Variants in CCSER1 observed in about 807,000 individuals in gnomAD.
CCSER1 encodes the protein serine-rich coiled-coil domain-containing protein 1.
In CCSER1, 41 loss-of-function variants were observed where a neutral mutation model predicts 82.0. That is an observed-to-expected ratio of 0.50 (90% confidence interval 0.39 to 0.65). The LOEUF is 0.65. CCSER1 is among the 30% of genes least tolerant of loss of function. The pLI, the probability that CCSER1 is intolerant of heterozygous loss-of-function variation, is 0.00. For missense variants in CCSER1, 1,119 were observed against 1,064.2 expected (o/e 1.05, Z -0.72); for synonymous variants, 414 against 383.9 (o/e 1.08, Z -0.92).
At chr4:90,661,823 A>T (rs1730842374) in intron 6 of CCSER1, among the ~76,000 whole-genome samples, 1 of 152,248 alleles carries the variant, frequency 6.6e-6, no homozygotes, top group East Asian at 1.9e-4. Context: ...AAATAATGGA[A>T]CACAATTCCA....
Position 90,309,296 on chromosome 4 carries a change from C to G in CCSER1, c.1012C>G (p.Pro338Ala), listed in dbSNP as rs1440334569. ...GQCSTESNSLPETSAANQKEV... is the reference protein window; with the variant it reads ...GQCSTESNSLAETSAANQKEV... Reference sequence around the variant, plus strand: ...ATGTAGCACTGAATCTAATTCATTACCGGAAACCTCTGCTGCTAATCAGAA... The same window carrying G: ...ATGTAGCACTGAATCTAATTCATTAGCGGAAACCTCTGCTGCTAATCAGAA... Residue 338 changes from proline (P) to alanine (A), a missense_variant, in exon 2 of 11, where the codon CCG becomes GCG. Transcript: ENST00000509176. 6.2e-7 allele frequency: 1 copy of G among 1,613,776 alleles called. No individual in the cohort carries two copies. The highest frequency in any genetic ancestry group is 1.1e-5 in the South Asian group (1 of 91,074).
intron 8 of CCSER1, among the ~76,000 whole-genome samples, chr4:90,845,222 C>T (rs748982054): frequency 8.6e-5 from 13 of 151,748 alleles, no homozygotes; most frequent in African/African-American, 2.7e-4. Context: ...ATTAGCCTGG[C>T]GTGGTGACAC....
chr4:90,727,453 A>G (rs545757556), intron 7 of CCSER1, among the ~76,000 whole-genome samples: 1 of 152,184 alleles, frequency 6.6e-6, no homozygotes, highest in African/African-American at 2.4e-5. Flanking sequence ...TGATGTTGTT[A>G]ATTTTAATGT....
At chr4:90,140,727 C>T (rs574092106) in intron 1 of CCSER1, among the ~76,000 whole-genome samples, 18 of 123,630 alleles carry the variant, frequency 1.5e-4, no homozygotes, top group African/African-American at 5.3e-4. Flanking sequence ...TGCTGTGGTG[C>T]GATCTTGGCT....
chr4:90,769,180 G>A (rs1751708072), intron 7 of CCSER1, among the ~76,000 whole-genome samples: 1 of 152,116 alleles, frequency 6.6e-6, no homozygotes, highest in African/African-American at 2.4e-5. Context: ...ATAGAAGTAG[G>A]AGCTCAAGAT....
At chr4:90,471,339 G>A (rs377605397) in intron 5 of CCSER1, among the ~76,000 whole-genome samples, 35 of 152,002 alleles carry the variant, frequency 2.3e-4, no homozygotes, top group East Asian at 1.6e-3. Context: ...CAAGGCTGAG[G>A]GGAAAGGATC....
At chr4:91,256,402 T>C (rs1268158021) in intron 10 of CCSER1, among the ~76,000 whole-genome samples, 1 of 152,152 alleles carries the variant, frequency 6.6e-6, no homozygotes, top group African/African-American at 2.4e-5. Flanking sequence ...GTCCTACCCA[T>C]TTGCCTTGTG....
At chr4:90,980,538 A>G (rs1736018559) in intron 9 of CCSER1, among the ~76,000 whole-genome samples, 1 of 151,810 alleles carries the variant, frequency 6.6e-6, no homozygotes. Flanking sequence ...TAAACTCTAG[A>G]AGGTAAAGAG....
At chr4:90,534,747 G>A (rs1027004647) in intron 5 of CCSER1, among the ~76,000 whole-genome samples, 3 of 152,140 alleles carry the variant, frequency 2.0e-5, no homozygotes, top group Non-Finnish European at 4.4e-5. Flanking sequence ...TACCAGTTGA[G>A]CATTGTATTG....
chr4:91,534,980 T>C (rs1005185924), intron 10 of CCSER1, among the ~76,000 whole-genome samples: 1 of 151,886 alleles, frequency 6.6e-6, no homozygotes, highest in South Asian at 2.1e-4. Flanking sequence ...TAGCCTTTTA[T>C]AGACATTTTG....
At chr4:91,433,943 T>C (rs1486674031) in intron 10 of CCSER1, among the ~76,000 whole-genome samples, 1 of 152,154 alleles carries the variant, frequency 6.6e-6, no homozygotes, top group Admixed American at 6.5e-5. Flanking sequence ...GAAAGACACA[T>C]GTTTAAGCAA....
intron 10 of CCSER1, among the ~76,000 whole-genome samples, chr4:91,343,612 A>G (rs968412558): frequency 6.6e-6 from 1 of 152,156 alleles, no homozygotes; most frequent in African/African-American, 2.4e-5. Context: ...TATTTACAGA[A>G]GGAGAATTAA....
chr4:90,730,804 C>T (rs185473957), intron 7 of CCSER1, among the ~76,000 whole-genome samples: 52 of 152,154 alleles, frequency 3.4e-4, no homozygotes, highest in Middle Eastern at 6.8e-3. Context: ...AGAGAATACT[C>T]GGTCTTATCA....
chr4:91,573,497 T>G (rs1763291422), intron 10 of CCSER1, among the ~76,000 whole-genome samples: 1 of 152,196 alleles, frequency 6.6e-6, no homozygotes. Context: ...TGCATAGCTC[T>G]GTCAGATTGA....
intron 10 of CCSER1, among the ~76,000 whole-genome samples, chr4:91,465,518 G>C (rs1341459697): frequency 2.0e-5 from 3 of 152,126 alleles, no homozygotes; most frequent in Non-Finnish European, 4.4e-5. Flanking sequence ...AGAACTGAAG[G>C]AGATAGAGAC....
intron 5 of CCSER1, among the ~76,000 whole-genome samples, chr4:90,621,034 G>A (rs1722227048): frequency 2.0e-5 from 3 of 152,048 alleles, no homozygotes; most frequent in Admixed American, 2.0e-4. Context: ...GTCCAGGCTG[G>A]TCTTGAACGT....
intron 1 of CCSER1, among the ~76,000 whole-genome samples, chr4:90,278,657 G>T (rs1728329063): frequency 6.6e-6 from 1 of 151,758 alleles, no homozygotes; most frequent in African/African-American, 2.4e-5. Context: ...GGGAACAATA[G>T]ACATTGAGGA....
At chr4:91,410,179 T>C (rs1240723085) in intron 10 of CCSER1, among the ~76,000 whole-genome samples, 1 of 152,220 alleles carries the variant, frequency 6.6e-6, no homozygotes, top group East Asian at 1.9e-4. Flanking sequence ...GTCAAAAGCT[T>C]TGTAAGCAAT....
chr4:90,685,618 C>T (rs1734686718), intron 6 of CCSER1, among the ~76,000 whole-genome samples: 1 of 152,104 alleles, frequency 6.6e-6, no homozygotes, highest in Non-Finnish European at 1.5e-5. Context: ...TTTAGGGTCT[C>T]TGTGTTCGGT....
Sources: gnomAD v4.1 joint callset for allele counts (sites outside exome capture counted in the v4.1 genomes callset) on GRCh38, gnomAD v4.1.1 for gene constraint, MANE v1.5 for transcripts, NCBI Gene and HGNC (gene_info 2026-07-23, HGNC 2026-07-21) for gene names.